Variants in KAZN observed in about 807,000 individuals in gnomAD.
KAZN encodes kazrin, periplakin interacting protein.
A neutral mutation model predicts 87.4 loss-of-function variants in KAZN; 40 were observed. The ratio of observed to expected loss-of-function variants is 0.46; its 90% CI spans 0.36 to 0.60. The LOEUF (loss-of-function observed/expected upper bound fraction) is 0.60. Ranked by LOEUF, KAZN falls within the 20% of genes least tolerant of loss-of-function variation. KAZN has a pLI of 0.00. For synonymous variants in KAZN, 466 were observed against 458.3 expected (o/e 1.02, Z -0.22); for missense variants, 898 against 1,073.9 (o/e 0.84, Z 2.29).
intron 2 of KAZN, among the ~76,000 whole-genome samples, chr1:14,419,466 G>A (rs533922714): frequency 1.3e-5 from 2 of 152,290 alleles, no homozygotes; most frequent in Non-Finnish European, 2.9e-5. Context: ...GCCACTCCAT[G>A]AAGCACTCGC....
chr1:14,293,722 G>T lies in KAZN; in HGVS notation c.249+113130G>T, dbSNP rs192887489. Among the ~76,000 whole-genome samples the T allele has an allele frequency of 1.6e-4, 25 of 152,016 alleles. No individual in the cohort carries two copies. The East Asian group carries it at 4.6e-3, about 28-fold the overall frequency. On this transcript the variant is annotated intron_variant, in intron 2 of 16. Coordinates refer to the KAZN transcript ENST00000636203. ...TAAACCATTGACTAGCCTTGTTGGG[G>T]TCTCCAAGCTCAAGGTTAATATCTT... is the stretch of plus-strand genomic sequence containing the variant.
chr1:14,753,695 G>A (rs560594365), intron 1 of KAZN, among the ~76,000 whole-genome samples: 2 of 152,194 alleles, frequency 1.3e-5, no homozygotes, highest in Non-Finnish European at 2.9e-5. Context: ...CACCCCAGGG[G>A]CAGGCAGAGC....
intron 1 of KAZN, among the ~76,000 whole-genome samples, chr1:14,897,788 C>T (rs1655427772): frequency 6.6e-6 from 1 of 152,172 alleles, no homozygotes; most frequent in African/African-American, 2.4e-5. Context: ...CAGCCTTCTG[C>T]AGATGTGTGG....
chr1:14,957,258 G>T (rs1663228561), intron 1 of KAZN, among the ~76,000 whole-genome samples: 2 of 152,180 alleles, frequency 1.3e-5, no homozygotes, highest in South Asian at 4.1e-4. Flanking sequence ...GAGATTTGGG[G>T]ATCCTTTGAC....
At chr1:14,904,928 AT>A (rs1354029690) in intron 1 of KAZN, among the ~76,000 whole-genome samples, 1 of 151,774 alleles carries the variant, frequency 6.6e-6, no homozygotes, top group Non-Finnish European at 1.5e-5. Flanking sequence ...CACCTGGCTA[AT>A]TTTTTGTATT....
In KAZN at chr1:14,066,040, A is replaced by C. The variant is rs1435882908; in HGVS notation, c.92-114395A>C. Reference sequence around the variant, plus strand: ...TTATACCACTCCGTATGCCTTTGCTACCCAGCTTAGGTCCTACTTATAAGT... The same window carrying C: ...TTATACCACTCCGTATGCCTTTGCTCCCCAGCTTAGGTCCTACTTATAAGT... On this transcript the variant is annotated intron_variant, in intron 1 of 16. Transcript: ENST00000636203. Among the ~76,000 whole-genome samples, 3 of 152,106 alleles carry C rather than the reference A, an allele frequency of 2.0e-5. No homozygotes were observed. The East Asian group carries it at 5.8e-4, about 29-fold the overall frequency.
chr1:14,653,472 G>T (rs372745202), intron 1 of KAZN, among the ~76,000 whole-genome samples: 1 of 152,350 alleles, frequency 6.6e-6, no homozygotes, highest in East Asian at 1.9e-4. Flanking sequence ...CTCCATCTGA[G>T]AATGTAGGCC....
chr1:14,597,156 T>C (rs1210263419), upstream of KAZN, among the ~76,000 whole-genome samples: 2 of 152,170 alleles, frequency 1.3e-5, no homozygotes, highest in Non-Finnish European at 2.9e-5. Flanking sequence ...CTAAGTGCCT[T>C]GGTTGGTCCA....
rs554060873 is a variant in KAZN, at chr1:14,957,525, C to T, written c.227-3159C>T. ...TCTCGGATCCTGTGTCCACCAAGCACGCCGCTGGGGAGCGAGTGAGCCTCC... is the reference window on the plus strand; with the variant it reads ...TCTCGGATCCTGTGTCCACCAAGCATGCCGCTGGGGAGCGAGTGAGCCTCC... On this transcript the variant is annotated intron_variant, in intron 1 of 14. Coordinates refer to ENST00000376030, the MANE Select transcript of KAZN (RefSeq NM_201628.3). 2.0e-4 allele frequency among the ~76,000 whole-genome samples: 31 copies of T among 152,336 alleles called. 1 individual carries two copies. In the South Asian group the frequency reaches 5.4e-3, roughly 26 times the overall value.
In KAZN at chr1:15,112,721, G is replaced by A. The variant is rs1013372657; in HGVS notation, c.2163+180G>A. 33 of 583,382 alleles carry A rather than the reference G, an allele frequency of 5.7e-5. No individual in the cohort carries two copies. The African/African-American group carries it at 6.0e-4, about 11-fold the overall frequency. The allele number at this position is 583,382 out of a possible 1,614,324, so 36.1% of individuals were successfully genotyped here. A position where few individuals can be genotyped will look rare whatever the true frequency, so the allele number is the denominator to read the frequency against. ...CTTCAAGGAACCTTCACGATGCTTT[G>A]GGTACAGTGCACAAAGCCCCCGCAG... On this transcript the variant is annotated intron_variant, in intron 14 of 14. Coordinates refer to ENST00000376030, the MANE Select transcript of KAZN (RefSeq NM_201628.3).
At chr1:13,986,941 A>G (rs1466073947) in intron 1 of KAZN, among the ~76,000 whole-genome samples, 1 of 152,208 alleles carries the variant, frequency 6.6e-6, no homozygotes, top group African/African-American at 2.4e-5. Flanking sequence ...GAGAGCATTC[A>G]GTTGCCTGAG....
intron 1 of KAZN, among the ~76,000 whole-genome samples, chr1:14,028,627 C>T (rs557660867): frequency 2.6e-5 from 4 of 152,212 alleles, no homozygotes; most frequent in African/African-American, 7.2e-5. Context: ...CATTTCTGCT[C>T]TTCATTTATG....
chr1:14,383,878 G>A (rs1348710529), intron 2 of KAZN, among the ~76,000 whole-genome samples: 2 of 151,904 alleles, frequency 1.3e-5, no homozygotes, highest in Admixed American at 6.6e-5. Flanking sequence ...TGATGGGGAT[G>A]GCATTGAATC....
intron 2 of KAZN, among the ~76,000 whole-genome samples, chr1:14,479,782 G>A (rs528737208): frequency 2.9e-4 from 44 of 152,284 alleles, no homozygotes; most frequent in African/African-American, 6.7e-4. Flanking sequence ...GACCTGGGAC[G>A]TGGGAGGCGT....
At chr1:14,706,427 A>G (rs924471703) in intron 1 of KAZN, among the ~76,000 whole-genome samples, 9 of 152,042 alleles carry the variant, frequency 5.9e-5, no homozygotes, top group Non-Finnish European at 1.3e-4. Context: ...TAGGATGACT[A>G]TAGTTTACAA....
At chr1:14,627,211 A>C (rs1679207949) in intron 1 of KAZN, among the ~76,000 whole-genome samples, 1 of 151,868 alleles carries the variant, frequency 6.6e-6, no homozygotes, top group African/African-American at 2.4e-5. Flanking sequence ...GAAGGGTGTG[A>C]AGGAGCCAGC....
chr1:14,200,391 T>C (rs1646614512), intron 2 of KAZN, among the ~76,000 whole-genome samples: 1 of 152,218 alleles, frequency 6.6e-6, no homozygotes, highest in Non-Finnish European at 1.5e-5. Context: ...ATTTCTATAG[T>C]ATGTTATTTT....
intron 2 of KAZN, among the ~76,000 whole-genome samples, chr1:14,496,444 TA>T (rs1203494225): frequency 2.0e-5 from 3 of 152,136 alleles, no homozygotes; most frequent in Admixed American, 6.6e-5. Context: ...ACCACAGTGT[TA>T]GGGGGCTAGA....
intron 1 of KAZN, among the ~76,000 whole-genome samples, chr1:14,050,673 T>G (rs554109780): frequency 1.3e-5 from 2 of 152,234 alleles, no homozygotes; most frequent in South Asian, 4.2e-4. Context: ...TGGGTGGGGA[T>G]GCAGAGCCAA....
Sources: gnomAD v4.1 joint callset for allele counts (sites outside exome capture counted in the v4.1 genomes callset) on GRCh38, gnomAD v4.1.1 for gene constraint, MANE v1.5 for transcripts, NCBI Gene and HGNC (gene_info 2026-07-23, HGNC 2026-07-21) for gene names.